Variants in EPHB1 observed in about 807,000 individuals in gnomAD.
EPHB1 encodes ephrin type-B receptor 1.
In EPHB1, 30 loss-of-function variants were observed where a neutral mutation model predicts 94.4. The observed-to-expected ratio is 0.32, with a 90% CI of 0.24 to 0.43. The LOEUF (loss-of-function observed/expected upper bound fraction) is 0.43. Among genes scored for constraint, EPHB1 ranks in the 20% least tolerant of loss-of-function variants. The pLI, the probability that EPHB1 is intolerant of heterozygous loss-of-function variation, is 1.00. For synonymous variants in EPHB1, 522 were observed against 489.1 expected (o/e 1.07, Z -0.89); for missense variants, 1,055 against 1,308.3 (o/e 0.81, Z 2.99).
At chr3:134,813,116 C>T (rs2036207622) in intron 1 of EPHB1, among the ~76,000 whole-genome samples, 1 of 152,128 alleles carries the variant, frequency 6.6e-6, no homozygotes, top group South Asian at 2.1e-4. Context: ...ATCTTCTCAA[C>T]ATGGATGGTG....
intron 3 of EPHB1, among the ~76,000 whole-genome samples, chr3:134,997,315 T>C (rs1316712833): frequency 6.6e-6 from 1 of 152,246 alleles, no homozygotes; most frequent in Admixed American, 6.5e-5. Flanking sequence ...GACATTATCT[T>C]AATTTTCCAG....
At position 135,259,924 on chromosome 3, in the gene EPHB1, G is replaced by A. The variant is rs751211324; in HGVS notation, c.*804G>A. ...GATGCAAACAAGAAAGAAGAACTGG[G>A]AAGTCTTTGTCCCTAGGAAATCCAA... On this transcript the variant is annotated 3_prime_UTR_variant, in exon 16 of 16. Coordinates refer to ENST00000398015, the MANE Select transcript of EPHB1 (RefSeq NM_004441.5). 5 of 230,676 alleles carry A rather than the reference G, an allele frequency of 2.2e-5. No homozygotes were observed. Among genetic ancestry groups the A allele is most frequent in the Non-Finnish European group, 4.3e-5 (5 of 116,198 alleles). The allele number at this position is 230,676 out of a possible 1,614,324, so 14.3% of individuals were successfully genotyped here.
chr3:135,214,910 G>A lies in EPHB1; in HGVS notation c.2346+13221G>A, dbSNP rs1028198488. Among the ~76,000 whole-genome samples the A allele has an allele frequency of 3.9e-5, 6 of 152,192 alleles. No homozygotes were observed. In the East Asian group the frequency reaches 5.8e-4, roughly 15 times the overall value. The stretch of plus-strand genomic sequence containing the variant: ...GTGAAATAGTTCTTTGGCATGGTAC[G>A]AGGAATGCAGGGTTTGGATCACACT... On this transcript the variant is annotated intron_variant, in intron 12 of 15. Transcript: ENST00000398015.
rs188724512 is a variant in EPHB1 at position 135,202,415 on chromosome 3, G to A, written c.2346+726G>A. Among the ~76,000 whole-genome samples, 545 of 150,712 alleles carry A rather than the reference G, an allele frequency of 3.6e-3. 2 individuals are homozygous for A. The highest frequency in any genetic ancestry group is 0.013 in the African/African-American group (516 of 41,226). ...GTCCATTTATTTTCAATCCCTCAGCGGCCCCCATAGGGTACCAAAAAATCT... is the reference window on the plus strand; with the variant it reads ...GTCCATTTATTTTCAATCCCTCAGCAGCCCCCATAGGGTACCAAAAAATCT... On this transcript the variant is annotated intron_variant, in intron 12 of 15. Coordinates refer to ENST00000398015, the MANE Select transcript of EPHB1 (RefSeq NM_004441.5).
At chr3:134,876,167 C>T (rs1335628285) in intron 1 of EPHB1, among the ~76,000 whole-genome samples, 2 of 152,178 alleles carry the variant, frequency 1.3e-5, no homozygotes, top group African/African-American at 4.8e-5. Flanking sequence ...TATCCTTCTC[C>T]ACCCCTTCCT....
intron 3 of EPHB1, among the ~76,000 whole-genome samples, chr3:134,998,561 A>T (rs40435): frequency 0.5 from 76,126 of 152,024 alleles, 20,917 homozygotes; most frequent in African/African-American, 0.73. Flanking sequence ...ACTGGGTTAT[A>T]TGTCAGTATT....
chr3:135,128,123 G>GCTT (rs1940277557), intron 4 of EPHB1, among the ~76,000 whole-genome samples: 2 of 152,250 alleles, frequency 1.3e-5, no homozygotes, highest in Admixed American at 1.3e-4. Context: ...TAGACGGGGA[G>GCTT]ACCACGGTGC....
At chr3:135,256,548 C>A (rs1328790364) in intron 15 of EPHB1, among the ~76,000 whole-genome samples, 1 of 152,086 alleles carries the variant, frequency 6.6e-6, no homozygotes, top group Non-Finnish European at 1.5e-5. Context: ...ATATTGGCCC[C>A]CACTCTCTTC....
chr3:134,967,900 C>G (rs926700937), intron 3 of EPHB1, among the ~76,000 whole-genome samples: 3 of 152,204 alleles, frequency 2.0e-5, no homozygotes, highest in African/African-American at 7.2e-5. Flanking sequence ...TCAAAGTGGA[C>G]TTTTCAGGAG....
chr3:135,124,419 G>A (rs1219604238), intron 4 of EPHB1, among the ~76,000 whole-genome samples: 2 of 151,698 alleles, frequency 1.3e-5, no homozygotes, highest in Non-Finnish European at 2.9e-5. Context: ...AGCTCCATGA[G>A]GGCAGTGTCT....
chr3:135,257,242 T>C (rs1017482325), intron 15 of EPHB1, among the ~76,000 whole-genome samples: 91 of 152,302 alleles, frequency 6.0e-4, no homozygotes, highest in African/African-American at 2.1e-3. Flanking sequence ...CCATCCAGCT[T>C]TGTTCCGTTG....
At chr3:134,869,737 G>A (rs1475335490) in intron 1 of EPHB1, among the ~76,000 whole-genome samples, 1 of 132,638 alleles carries the variant, frequency 7.5e-6, no homozygotes, top group African/African-American at 3.5e-5. Context: ...CTATACAAAA[G>A]TGATAGCAGT....
intron 5 of EPHB1, 25 bp from the exon 6 acceptor site, chr3:135,154,127 A>G: frequency 6.2e-7 from 1 of 1,613,574 alleles, no homozygotes; most frequent in East Asian, 2.2e-5. Context: ...CTGTTCAGCT[A>G]CCCTGTTTCT....
intron 7 of EPHB1, among the ~76,000 whole-genome samples, chr3:135,164,657 A>T (rs1941600590): frequency 6.6e-6 from 1 of 152,090 alleles, no homozygotes; most frequent in South Asian, 2.1e-4. Context: ...AAAAATACAA[A>T]AAGTAGCCGG....
intron 5 of EPHB1, among the ~76,000 whole-genome samples, chr3:135,152,808 T>A (rs1017873063): frequency 6.6e-6 from 1 of 152,150 alleles, no homozygotes; most frequent in Non-Finnish European, 1.5e-5. Context: ...AATATGGTGA[T>A]GGACTGCAGA....
rs868271706 is a variant in EPHB1 at position 135,012,397 on chromosome 3, C to T, written c.805+60345C>T. On this transcript the variant is annotated intron_variant, in intron 3 of 15. Coordinates refer to ENST00000398015, the MANE Select transcript of EPHB1 (RefSeq NM_004441.5). ...ACATGGTGGCAGTCAGTGAAGCGGC[C>T]GCTCACTCATGGCTGGCTTGTACAC... Among the ~76,000 whole-genome samples the T allele has an allele frequency of 3.9e-5, 6 of 152,300 alleles. No individual in the cohort carries two copies. The Middle Eastern group carries it at 0.01, about 259-fold the overall frequency.
chr3:135,081,447 T>C (rs377317208), intron 3 of EPHB1, among the ~76,000 whole-genome samples: 3 of 152,186 alleles, frequency 2.0e-5, no homozygotes, highest in East Asian at 3.8e-4. Flanking sequence ...GACTTTTAGG[T>C]TGGCCACTAA....
chr3:134,916,657 T>C (rs2038578663), intron 1 of EPHB1, among the ~76,000 whole-genome samples: 1 of 152,176 alleles, frequency 6.6e-6, no homozygotes, highest in South Asian at 2.1e-4. Context: ...GCTCTGAGTG[T>C]GGGGCCCGCT....
At chr3:134,811,754 C>T (rs1235375492) in intron 1 of EPHB1, among the ~76,000 whole-genome samples, 2 of 152,210 alleles carry the variant, frequency 1.3e-5, no homozygotes, top group Admixed American at 6.5e-5. Context: ...AACCTGGCAG[C>T]GACTTAGTGG....
Sources: allele counts gnomAD v4.1 joint callset (sites outside exome capture counted in the v4.1 genomes callset), GRCh38; gene constraint gnomAD v4.1.1; transcripts MANE v1.5; gene names NCBI Gene and HGNC (gene_info 2026-07-23, HGNC 2026-07-21).